PLA2G2E: variants seen among roughly 807,000 people sequenced by gnomAD.
PLA2G2E encodes the protein group IIE secretory phospholipase A2.
Under a neutral mutation model 16.5 loss-of-function variants are expected in PLA2G2E, and 14 were observed. That is an observed-to-expected ratio of 0.85 (90% CI 0.56 to 1.33). PLA2G2E has a LOEUF of 1.33. Ranked by LOEUF, PLA2G2E falls within the 40% of genes most tolerant of loss-of-function variation. The pLI, the probability that PLA2G2E is intolerant of heterozygous loss-of-function variation, is 0.00. For missense variants in PLA2G2E, 174 were observed against 190.7 expected (o/e 0.91, Z 0.52); for synonymous variants, 72 against 77.2 (o/e 0.93, Z 0.36).
chr1:19,923,567 TG>T lies in PLA2G2E; in HGVS notation c.-9del. 1 of 1,549,676 alleles carries T rather than the reference TG, an allele frequency of 6.5e-7. No homozygotes were observed. The highest frequency in any genetic ancestry group is 8.7e-7 in the Non-Finnish European group (1 of 1,146,086). On this transcript the variant is annotated 5_prime_UTR_variant, in exon 1 of 4. Transcript: ENST00000375116. ...CACGTGGGGAGATTTCATCCCAGGT[TG>T]GGGGGAAGGGAGGTGCACAAGGAGC...
chr1:19,920,276 T>G lies in PLA2G2E; in HGVS notation c.*31A>C, dbSNP rs535601541. Reference sequence around the variant, plus strand: ...GACTACAGCAGCCCGAGGCGGGACCTCCAGGGACGGGGGGGAGGCCGAGCA... The same window carrying G: ...GACTACAGCAGCCCGAGGCGGGACCGCCAGGGACGGGGGGGAGGCCGAGCA... On this transcript the variant is annotated 3_prime_UTR_variant, in exon 4 of 4. Coordinates refer to ENST00000375116, the MANE Select transcript of PLA2G2E (RefSeq NM_014589.3). This position sits in a 1 kb window ranked among gnomAD's most constrained non-coding sequence, Gnocchi z 4.3. 5 of 1,597,708 alleles carry G rather than the reference T, an allele frequency of 3.1e-6. No individual in the cohort carries two copies. The East Asian group carries it at 8.9e-5, about 29-fold the overall frequency.
chr1:19,922,468 T>C, intron 2 of PLA2G2E, 64 bp from the exon 3 acceptor site: 1 of 1,560,732 alleles, frequency 6.4e-7, no homozygotes, highest in Non-Finnish European at 8.7e-7. Context: ...CAGGGGCTGC[T>C]CGGGGCCCCC....
intron 3 of PLA2G2E, among the ~76,000 whole-genome samples, chr1:19,921,726 T>G (rs2045817880): frequency 6.6e-6 from 1 of 152,318 alleles, no homozygotes; most frequent in South Asian, 2.1e-4. Flanking sequence ...GGAGAGAGCT[T>G]GGCTCTCTCA....
chr1:19,923,565 G>A lies in PLA2G2E; in HGVS notation c.-6C>T. On this transcript the variant is annotated 5_prime_UTR_variant, in exon 1 of 4. Transcript: ENST00000375116. ...AGCACGTGGGGAGATTTCATCCCAG[G>A]TTGGGGGGAAGGGAGGTGCACAAGG... is the stretch of plus-strand genomic sequence containing the variant. 1.9e-6 allele frequency: 3 copies of A among 1,550,320 alleles called. No homozygotes were observed. Among genetic ancestry groups the A allele is most frequent in the East Asian group, 2.4e-5 (1 of 40,904 alleles).
At chr1:19,922,155 G>A (rs1373791216) in intron 3 of PLA2G2E, 143 bp downstream of exon 3, 2 of 621,306 alleles carry the variant, frequency 3.2e-6, no homozygotes, top group Non-Finnish European at 5.8e-6. Flanking sequence ...ACTGTTACGT[G>A]GTAACGGGAA....
At position 19,923,576 on chromosome 1, in the gene PLA2G2E, G is replaced by A. The variant is rs1488953905; in HGVS notation, c.-17C>T. The A allele has an allele frequency of 5.8e-6, 9 of 1,549,260 alleles. No individual in the cohort carries two copies. Among genetic ancestry groups the A allele is most frequent in the Non-Finnish European group, 6.1e-6 (7 of 1,145,900 alleles). ...AGATTTCATCCCAGGTTGGGGGGAA[G>A]GGAGGTGCACAAGGAGCATAAAAGG... On this transcript the variant is annotated 5_prime_UTR_variant, in exon 1 of 4. Coordinates refer to ENST00000375116, the MANE Select transcript of PLA2G2E (RefSeq NM_014589.3).
rs555375010 is a variant in PLA2G2E, at chr1:19,922,255, C to T, written c.286+43G>A. ...CCTGTCTTAAGCTGCCTCCACCCAC[C>T]TCACCGCAGGGTGTCTAGGTCACTT... On this transcript the variant is annotated intron_variant, in intron 3 of 3. Transcript: ENST00000375116. The T allele has an allele frequency of 5.6e-5, 80 of 1,419,580 alleles. No homozygotes were observed. The South Asian group carries it at 8.8e-4, about 16-fold the overall frequency. The allele number at this position is 1,419,580 out of a possible 1,614,324, so 87.9% of individuals were successfully genotyped here. A position where few individuals can be genotyped will look rare whatever the true frequency, so the allele number is the denominator to read the frequency against.
intron 1 of PLA2G2E, among the ~76,000 whole-genome samples, chr1:19,923,150 C>G (rs2045830912): frequency 6.6e-6 from 1 of 152,230 alleles, no homozygotes; most frequent in African/African-American, 2.4e-5. Context: ...CTCCTGACCA[C>G]CTCAGCTGAC....
intron 3 of PLA2G2E, 100 bp downstream of exon 3, chr1:19,922,198 A>G: frequency 1.3e-6 from 1 of 783,230 alleles, no homozygotes; most frequent in Admixed American, 2.5e-5. Flanking sequence ...TCTGGCTCTG[A>G]TAAGGCCCAA....
intron 1 of PLA2G2E, among the ~76,000 whole-genome samples, chr1:19,923,166 C>T (rs995855712): frequency 2.6e-5 from 4 of 152,238 alleles, no homozygotes; most frequent in Non-Finnish European, 5.9e-5. Context: ...CTGACCTCCC[C>T]AAATTCTTCC....
intron 1 of PLA2G2E, 30 bp from the exon 2 acceptor site, chr1:19,922,785 G>GAGAGGA: frequency 6.2e-7 from 1 of 1,611,508 alleles, no homozygotes; most frequent in African/African-American, 1.3e-5. Flanking sequence ...GAGGGAGAGG[G>GAGAGGA]AGGGCCCCAC....
At position 19,922,783 on chromosome 1, in the gene PLA2G2E, G is replaced by A. The variant is rs760721262; in HGVS notation, c.41-28C>T. ...GCAGAGAGGGAGAGGGAGAGGGAGA[G>A]GGAGGGCCCCACCCTCTGCAGCCAA... is the stretch of plus-strand genomic sequence containing the variant. On this transcript the variant is annotated intron_variant, in intron 1 of 3. Transcript: ENST00000375116. 8.7e-6 allele frequency: 14 copies of A among 1,610,248 alleles called. No homozygotes were observed. In the African/African-American group the frequency reaches 9.4e-5, roughly 11 times the overall value.
rs1296807922 is a variant in PLA2G2E at position 19,920,423 on chromosome 1, T to TCAGC, written c.309_312dup (p.Thr105AlafsTer6). 6.2e-7 allele frequency: 1 copy of TCAGC among 1,613,858 alleles called. No individual in the cohort carries two copies. The highest frequency in any genetic ancestry group is 1.7e-5 in the Admixed American group (1 of 60,022). ...GCAGCCCTCTTGTCACACTCGCAGG[T>TCAGC]CAGCCGCTGGCAGGTGGTCCTGCCG... On this transcript the variant is annotated frameshift_variant, in exon 4 of 4. Coordinates refer to ENST00000375116, the MANE Select transcript of PLA2G2E (RefSeq NM_014589.3). LOFTEE classifies it high-confidence loss of function. This position sits in a 1 kb window ranked among gnomAD's most constrained non-coding sequence, Gnocchi z 4.3.
chr1:19,921,225 C>T (rs1030051477), intron 3 of PLA2G2E, among the ~76,000 whole-genome samples: 1 of 152,210 alleles, frequency 6.6e-6, no homozygotes, highest in Non-Finnish European at 1.5e-5. Flanking sequence ...GCTCTGCCCA[C>T]GCCCGCTATG....
chr1:19,920,296 C>A lies in PLA2G2E; in HGVS notation c.*11G>T. On this transcript the variant is annotated 3_prime_UTR_variant, in exon 4 of 4. Coordinates refer to ENST00000375116, the MANE Select transcript of PLA2G2E (RefSeq NM_014589.3). The surrounding 1 kb of genome is among the most constrained non-coding windows in gnomAD (Gnocchi z 4.3). ...GGACCTCCAGGGACGGGGGGGAGGC[C>A]GAGCATAGCCTCAGCAGGGCGGGGT... 1 of 1,608,182 alleles carries A rather than the reference C, an allele frequency of 6.2e-7. No homozygotes were observed.
chr1:19,923,286 C>T (rs962436898), intron 1 of PLA2G2E, among the ~76,000 whole-genome samples: 4 of 152,218 alleles, frequency 2.6e-5, no homozygotes, highest in South Asian at 2.1e-4. Flanking sequence ...ATCCGGGAAG[C>T]GCCAGCCCCT....
chr1:19,922,487 A>G (rs2045824067), intron 2 of PLA2G2E, 83 bp from the exon 3 acceptor site: 2 of 1,542,248 alleles, frequency 1.3e-6, no homozygotes, highest in African/African-American at 2.7e-5. Context: ...CCGAGCCCAA[A>G]GCAGCCCAGA....
intron 2 of PLA2G2E, 99 bp from the exon 3 acceptor site, chr1:19,922,503 G>T: frequency 6.5e-7 from 1 of 1,546,570 alleles, no homozygotes; most frequent in South Asian, 1.2e-5. Flanking sequence ...CCAGAGGAGA[G>T]ATCAGCCTGA....
chr1:19,922,776 A>AGGGAGAGGGAG (rs2045826534), intron 1 of PLA2G2E, 21 bp from the exon 2 acceptor site: 2 of 1,610,908 alleles, frequency 1.2e-6, no homozygotes, highest in East Asian at 4.5e-5. Context: ...GGAGAGGGAG[A>AGGGAGAGGGAG]GGGAGAGGGA....
Sources: gnomAD v4.1 joint callset for allele counts (sites outside exome capture counted in the v4.1 genomes callset) on GRCh38, gnomAD v4.1.1 for gene constraint, Gnocchi (gnomAD v3.1) non-coding constraint, MANE v1.5 for transcripts, NCBI Gene and HGNC (gene_info 2026-07-23, HGNC 2026-07-21) for gene names.